The following CPXM2 variants were observed in gnomAD, a reference collection of about 807,000 sequenced individuals.
The protein encoded by CPXM2 is carboxypeptidase X, M14 family member 2, also known as inactive carboxypeptidase-like protein X2.
In CPXM2, 66 loss-of-function variants were observed where a neutral mutation model predicts 86.1. The ratio of observed to expected loss-of-function variants is 0.77; its 90% CI spans 0.63 to 0.94. The LOEUF (loss-of-function observed/expected upper bound fraction) is 0.94. Ranked by LOEUF, CPXM2 falls within the 40% of genes least tolerant of loss-of-function variation. CPXM2 has a pLI of 0.00. For synonymous variants in CPXM2, 388 were observed against 400.2 expected, an observed-to-expected ratio of 0.97 and a Z score of 0.36; for missense variants, 948 against 1,026.3, an observed-to-expected ratio of 0.92 and a Z score of 1.04.
At chr10:123,747,112 A>T in intron 13 of CPXM2, 95 bp from the exon 14 acceptor site, 1 of 1,434,192 alleles carries the variant, frequency 7.0e-7, no homozygotes, top group Non-Finnish European at 9.5e-7. Context: ...GGCCAGAGAG[A>T]GACTCTCAGG....
chr10:123,789,599 T>C (rs1365676881), intron 6 of CPXM2, among the ~76,000 whole-genome samples: 3 of 152,272 alleles, frequency 2.0e-5, no homozygotes, highest in Non-Finnish European at 4.4e-5. Context: ...TGCTTGTTCC[T>C]TGGTGCTTAA....
intron 2 of CPXM2, among the ~76,000 whole-genome samples, chr10:123,902,649 C>A (rs2138922): frequency 0.59 from 90,115 of 151,952 alleles, 27,038 homozygotes; most frequent in Middle Eastern, 0.77. Flanking sequence ...CACACAAGCA[C>A]CCTTGGGCCT....
At chr10:123,942,004 G>T (rs1945782137), upstream of CPXM2, among the ~76,000 whole-genome samples, 1 of 152,226 alleles carries the variant, frequency 6.6e-6, no homozygotes. Flanking sequence ...TCCTATCTAT[G>T]CACCCCTCCA....
chr10:123,913,427 T>C (rs569245338), intron 2 of CPXM2: 1 of 152,784 alleles, frequency 6.5e-6, no homozygotes, highest in East Asian at 1.9e-4. Context: ...TTAGGGGGCA[T>C]TGGCTTGGCA....
chr10:123,840,227 C>A (rs1275662705), intron 4 of CPXM2, among the ~76,000 whole-genome samples: 1 of 152,150 alleles, frequency 6.6e-6, no homozygotes, highest in Non-Finnish European at 1.5e-5. Context: ...TAAATTCTTG[C>A]CTTTCAGAAT....
chr10:123,863,671 C>T lies in CPXM2; in HGVS notation c.404-948G>A, dbSNP rs1329779351. Among the ~76,000 whole-genome samples the T allele has an allele frequency of 2.0e-5, 3 of 152,334 alleles. No homozygotes were observed. The East Asian group carries it at 5.8e-4, about 29-fold the overall frequency. ...CTCACACGACATACTCAGAAATCCT[C>T]ACTGCTGGGCCTCCAACAGCCCTGC... On this transcript the variant is annotated intron_variant, in intron 2 of 13. Coordinates refer to ENST00000241305, the MANE Select transcript of CPXM2 (RefSeq NM_198148.3).
chr10:123,767,227 T>TTGTATG, intron 9 of CPXM2, 75 bp from the exon 10 acceptor site: 1 of 1,218,378 alleles, frequency 8.2e-7, no homozygotes, highest in Non-Finnish European at 1.2e-6. Flanking sequence ...AAGATGCATC[T>TTGTATG]GTCTCCACTT....
intron 13 of CPXM2, among the ~76,000 whole-genome samples, chr10:123,748,361 A>G (rs1457374017): frequency 6.6e-6 from 1 of 152,198 alleles, no homozygotes; most frequent in Non-Finnish European, 1.5e-5. Context: ...GAAGTCTTCT[A>G]ACGGATGGAA....
At chr10:123,820,643 G>A (rs947622415) in intron 4 of CPXM2, among the ~76,000 whole-genome samples, 3 of 152,214 alleles carry the variant, frequency 2.0e-5, no homozygotes, top group African/African-American at 7.2e-5. Context: ...CTATAGTCAA[G>A]TTGTGAGCAT....
intron 2 of CPXM2, among the ~76,000 whole-genome samples, chr10:123,925,383 A>G (rs1443398636): frequency 6.6e-6 from 1 of 152,244 alleles, no homozygotes; most frequent in Non-Finnish European, 1.5e-5. Flanking sequence ...TTTGTTTTCC[A>G]GTGAATCCAA....
At chr10:123,774,803 T>G (rs1190905949) in intron 7 of CPXM2, among the ~76,000 whole-genome samples, 3 of 152,160 alleles carry the variant, frequency 2.0e-5, no homozygotes, top group East Asian at 3.8e-4. Flanking sequence ...AGAAGCAACA[T>G]GCAAAGGACA....
At chr10:123,792,202 C>T (rs1233102975) in intron 6 of CPXM2, among the ~76,000 whole-genome samples, 1 of 152,154 alleles carries the variant, frequency 6.6e-6, no homozygotes, top group Admixed American at 6.5e-5. Flanking sequence ...AGAAATGAGG[C>T]AGCCACAGAA....
chr10:123,929,470 A>C (rs756643849), intron 2 of CPXM2, among the ~76,000 whole-genome samples: 3 of 152,242 alleles, frequency 2.0e-5, no homozygotes, highest in African/African-American at 4.8e-5. Flanking sequence ...ACTGAATCTG[A>C]GAAGAGACCA....
chr10:123,767,721 T>C (rs779197148), intron 9 of CPXM2, among the ~76,000 whole-genome samples: 2 of 152,224 alleles, frequency 1.3e-5, no homozygotes, highest in Non-Finnish European at 2.9e-5. Context: ...TAACTATATG[T>C]TCTATTTATA....
intron 2 of CPXM2, among the ~76,000 whole-genome samples, chr10:123,904,617 C>A (rs1945415711): frequency 6.6e-6 from 1 of 152,170 alleles, no homozygotes; most frequent in Admixed American, 6.5e-5. Context: ...CAATGCTTGG[C>A]ATGGGGCGAG....
chr10:123,840,632 A>G (rs899716669), intron 4 of CPXM2, among the ~76,000 whole-genome samples: 2 of 152,222 alleles, frequency 1.3e-5, no homozygotes, highest in East Asian at 3.8e-4. Context: ...ATAACCGGAT[A>G]TGTAACATTA....
chr10:123,921,114 G>A (rs1232886893), intron 2 of CPXM2, among the ~76,000 whole-genome samples: 1 of 152,136 alleles, frequency 6.6e-6, no homozygotes, highest in African/African-American at 2.4e-5. Flanking sequence ...AGGGAAAAGG[G>A]TGGAATAAAT....
At chr10:123,836,645 C>T (rs945802844) in intron 4 of CPXM2, among the ~76,000 whole-genome samples, 3 of 152,212 alleles carry the variant, frequency 2.0e-5, no homozygotes, top group Non-Finnish European at 4.4e-5. Context: ...CTCTGAGTTT[C>T]CAGACCCGAA....
intron 2 of CPXM2, among the ~76,000 whole-genome samples, chr10:123,897,825 C>A (rs919746889): frequency 2.0e-5 from 3 of 152,252 alleles, no homozygotes; most frequent in Non-Finnish European, 4.4e-5. Flanking sequence ...CTGCCCCGGC[C>A]CCCGGCTCAT....
Sources: gnomAD v4.1 joint callset for allele counts (sites outside exome capture counted in the v4.1 genomes callset) on GRCh38, gnomAD v4.1.1 for gene constraint, MANE v1.5 for transcripts, NCBI Gene and HGNC (gene_info 2026-07-23, HGNC 2026-07-21) for gene names.